CACNA2D3: variants seen among roughly 807,000 people sequenced by gnomAD.
The protein encoded by CACNA2D3 is voltage-dependent calcium channel subunit alpha-2/delta-3.
CACNA2D3 carries 60 observed loss-of-function variants against 160.6 expected under a neutral mutation model. The ratio of observed to expected loss-of-function variants is 0.37; its 90% CI spans 0.30 to 0.46. The LOEUF is 0.46. CACNA2D3 is among the 20% of genes least tolerant of loss of function. The probability of loss-of-function intolerance (pLI) is 1.00; values close to 1 mark genes in which losing one functional copy is unlikely to be tolerated. For missense variants in CACNA2D3, 1,205 were observed against 1,365.0 expected, an observed-to-expected ratio of 0.88 and a Z score of 1.85; for synonymous variants, 558 against 492.9, an observed-to-expected ratio of 1.13 and a Z score of -1.75.
At position 54,418,928 on chromosome 3, in the gene CACNA2D3, G is replaced by T. The variant is rs540613955; in HGVS notation, c.381+32154G>T. ...TGCATATTTAACCTCTACCTCCTTT[G>T]TAGACTGTGGCCTCCAGGGACCACG... On this transcript the variant is annotated intron_variant, in intron 4 of 37. Coordinates refer to ENST00000474759, the MANE Select transcript of CACNA2D3 (RefSeq NM_018398.3). 3.3e-5 allele frequency among the ~76,000 whole-genome samples: 5 copies of T among 152,240 alleles called. No individual in the cohort carries two copies. In the South Asian group the frequency reaches 1.0e-3, roughly 32 times the overall value.
intron 11 of CACNA2D3, among the ~76,000 whole-genome samples, chr3:54,743,294 A>G (rs889549211): frequency 7.9e-5 from 12 of 152,238 alleles, no homozygotes; most frequent in African/African-American, 2.7e-4. Flanking sequence ...ACTGAGTATC[A>G]TGAAGAAAAC....
intron 11 of CACNA2D3, among the ~76,000 whole-genome samples, chr3:54,694,363 G>T (rs990397777): frequency 6.6e-6 from 1 of 152,170 alleles, no homozygotes; most frequent in Non-Finnish European, 1.5e-5. Context: ...ACACTCTATG[G>T]TGTTCACACA....
At chr3:54,912,341 G>T (rs1348198499) in intron 27 of CACNA2D3, among the ~76,000 whole-genome samples, 1 of 152,180 alleles carries the variant, frequency 6.6e-6, no homozygotes, top group Non-Finnish European at 1.5e-5. Context: ...ATGAGTTCCA[G>T]GAGGCAAGAA....
At chr3:54,905,462 C>G (rs1486102834) in intron 27 of CACNA2D3, among the ~76,000 whole-genome samples, 1 of 152,140 alleles carries the variant, frequency 6.6e-6, no homozygotes, top group Non-Finnish European at 1.5e-5. Context: ...TTGGTGGGAT[C>G]TCACATATTT....
chr3:54,172,887 C>G (rs987315296), intron 2 of CACNA2D3, among the ~76,000 whole-genome samples: 6 of 152,190 alleles, frequency 3.9e-5, no homozygotes, highest in African/African-American at 1.4e-4. Flanking sequence ...AAGACCAACA[C>G]TTAACCAAAT....
chr3:54,459,969 T>A (rs1700469091), intron 4 of CACNA2D3, among the ~76,000 whole-genome samples: 1 of 152,188 alleles, frequency 6.6e-6, no homozygotes, highest in Non-Finnish European at 1.5e-5. Flanking sequence ...AAGGAAGGGA[T>A]CCAGTTTCAG....
At chr3:54,185,697 G>C (rs1294632222) in intron 2 of CACNA2D3, among the ~76,000 whole-genome samples, 1 of 152,160 alleles carries the variant, frequency 6.6e-6, no homozygotes, top group Non-Finnish European at 1.5e-5. Flanking sequence ...TTGTGTGAAA[G>C]CAGCCATAGA....
chr3:54,738,105 A>G (rs112968619), intron 11 of CACNA2D3, among the ~76,000 whole-genome samples: 1 of 152,354 alleles, frequency 6.6e-6, no homozygotes, highest in African/African-American at 2.4e-5. Context: ...CAGAAGATAT[A>G]GAAGTCACAG....
At chr3:54,937,852 G>C (rs567752656) in intron 27 of CACNA2D3, among the ~76,000 whole-genome samples, 16 of 152,270 alleles carry the variant, frequency 1.1e-4, no homozygotes, top group African/African-American at 3.8e-4. Flanking sequence ...TGAGGAAGGA[G>C]CTTGGGCAAG....
chr3:55,061,120 C>T (rs546018205), intron 35 of CACNA2D3, among the ~76,000 whole-genome samples: 1 of 152,390 alleles, frequency 6.6e-6, no homozygotes, highest in African/African-American at 2.4e-5. Flanking sequence ...CCATGGGACA[C>T]TGCCCTGCAG....
At chr3:54,648,255 A>G (rs536818655) in intron 11 of CACNA2D3, among the ~76,000 whole-genome samples, 1 of 152,372 alleles carries the variant, frequency 6.6e-6, no homozygotes, top group South Asian at 2.1e-4. Context: ...TCAAAGAAAC[A>G]GTATTTCATG....
chr3:54,400,916 A>G (rs1199272369), intron 4 of CACNA2D3, among the ~76,000 whole-genome samples: 1 of 152,186 alleles, frequency 6.6e-6, no homozygotes, highest in Non-Finnish European at 1.5e-5. Context: ...AAATTTATGA[A>G]TTTTCTAAAA....
intron 27 of CACNA2D3, chr3:54,918,761 A>C (rs943979995): frequency 6.2e-7 from 1 of 1,614,066 alleles, no homozygotes; most frequent in Non-Finnish European, 8.5e-7. Context: ...GAGCCGGGCC[A>C]CTGAGCCTGC....
At chr3:54,124,790 C>G (rs75917388) in intron 2 of CACNA2D3, among the ~76,000 whole-genome samples, 19,891 of 152,248 alleles carry the variant, frequency 0.13, 1,351 homozygotes, top group Middle Eastern at 0.24. Context: ...TGAAAGATTG[C>G]TTGCTCAACT....
intron 17 of CACNA2D3, among the ~76,000 whole-genome samples, chr3:54,858,763 C>T (rs1046355826): frequency 6.6e-6 from 1 of 152,208 alleles, no homozygotes; most frequent in Middle Eastern, 3.4e-3. Context: ...CCCTGTAAAA[C>T]CCTACAGCTG....
chr3:54,938,312 A>G (rs1701379944), intron 27 of CACNA2D3, among the ~76,000 whole-genome samples: 1 of 152,176 alleles, frequency 6.6e-6, no homozygotes, highest in South Asian at 2.1e-4. Context: ...GTGGCAAATG[A>G]GTGTTTACGT....
At chr3:55,010,475 G>A (rs189447125) in intron 34 of CACNA2D3, among the ~76,000 whole-genome samples, 116 of 152,246 alleles carry the variant, frequency 7.6e-4, no homozygotes, top group South Asian at 1.2e-3. Context: ...GATGATGATC[G>A]CCTCCAAATC....
intron 2 of CACNA2D3, among the ~76,000 whole-genome samples, chr3:54,304,572 T>A (rs1156465486): frequency 6.6e-6 from 1 of 152,216 alleles, no homozygotes. Flanking sequence ...AGAATGAGGA[T>A]TAACATTTTT....
At chr3:54,896,715 G>A in intron 25 of CACNA2D3, 34 bp from the exon 26 acceptor site, 1 of 1,613,876 alleles carries the variant, frequency 6.2e-7, no homozygotes, top group Non-Finnish European at 8.5e-7. Context: ...TCTGCTGAGT[G>A]ATGCATGTTC....
Sources: gnomAD v4.1 joint callset for allele counts (sites outside exome capture counted in the v4.1 genomes callset) on GRCh38, gnomAD v4.1.1 for gene constraint, MANE v1.5 for transcripts, NCBI Gene and HGNC (gene_info 2026-07-23, HGNC 2026-07-21) for gene names.